The following BTBD9 variants were observed in gnomAD, a reference collection of about 807,000 sequenced individuals.
The protein encoded by BTBD9 is BTB/POZ domain-containing protein 9.
A neutral mutation model predicts 64.3 loss-of-function variants in BTBD9; 49 were observed. That is an observed-to-expected ratio of 0.76 (90% confidence interval 0.61 to 0.97). The LOEUF (loss-of-function observed/expected upper bound fraction) is 0.97, where lower values mean the gene tolerates loss of function less well. BTBD9 is among the 50% of genes least tolerant of loss of function. The pLI is 0.00. For synonymous variants in BTBD9, 260 were observed against 274.7 expected (o/e 0.95, Z 0.53); for missense variants, 598 against 762.1 (o/e 0.78, Z 2.53).
rs149214873 is a variant in BTBD9 at position 38,210,590 on chromosome 6, AAGAGTTTTTGTGTAGTAC to A, written c.1563-18011_1563-17994del. Among the ~76,000 whole-genome samples the A allele has an allele frequency of 4.9e-3, 725 of 147,212 alleles. 4 individuals are homozygous for A. The highest frequency in any genetic ancestry group is 0.017 in the African/African-American group (645 of 38,790). On this transcript the variant is annotated intron_variant, in intron 9 of 10. Transcript: ENST00000481247. ...TGTGTGTGTGTGTCTGCATCTGGGC[AAGAGTTTTTGTGTAGTAC>A]AGAAAGAGGAGACGCCTAGTCAATC...
intron 5 of BTBD9, among the ~76,000 whole-genome samples, chr6:38,578,212 A>G (rs992040271): frequency 6.6e-6 from 1 of 152,152 alleles, no homozygotes; most frequent in East Asian, 1.9e-4. Flanking sequence ...GCTCCCTCAC[A>G]GAGGGCAGCT....
At chr6:38,477,130 C>T (rs1298668740) in intron 6 of BTBD9, among the ~76,000 whole-genome samples, 2 of 152,140 alleles carry the variant, frequency 1.3e-5, no homozygotes, top group Non-Finnish European at 2.9e-5. Flanking sequence ...CCTGAAATGG[C>T]ATGAATTCCA....
In BTBD9 at chr6:38,171,555, G is replaced by GGTGTGTGTGT. The variant is rs56046321; in HGVS notation, c.*3420_*3429dup. 8.1e-6 allele frequency: 1 copy of GGTGTGTGTGT among 122,996 alleles called. No homozygotes were observed. Among genetic ancestry groups the GGTGTGTGTGT allele is most frequent in the Non-Finnish European group, 1.6e-5 (1 of 62,728 alleles). 7.6% of individuals were successfully genotyped at this position (122,996 alleles called of 1,614,324 possible). On this transcript the variant is annotated 3_prime_UTR_variant, in exon 11 of 11. Coordinates refer to ENST00000481247, the MANE Select transcript of BTBD9 (RefSeq NM_001099272.2). ...AAAGCACTGAGAAAATGGTAAAACG[G>GGTGTGTGTGT]GTGTGTGTGTGTGTGTGTGTGTGTG...
chr6:38,309,985 C>T (rs1232095622), intron 7 of BTBD9, among the ~76,000 whole-genome samples: 5 of 152,050 alleles, frequency 3.3e-5, no homozygotes, highest in Non-Finnish European at 7.4e-5. Context: ...CCTGCCAGAG[C>T]CTTTGGAGGC....
intron 1 of BTBD9, among the ~76,000 whole-genome samples, chr6:38,614,840 A>T (rs933719614): frequency 1.3e-5 from 2 of 152,216 alleles, no homozygotes; most frequent in East Asian, 3.8e-4. Context: ...ACCTTCCTCC[A>T]AACTGTCCTC....
chr6:38,533,258 T>G lies in BTBD9; in HGVS notation c.1154+44342A>C, dbSNP rs535466288. On this transcript the variant is annotated intron_variant, in intron 6 of 10. Coordinates refer to ENST00000481247, the MANE Select transcript of BTBD9 (RefSeq NM_001099272.2). ...TAATGGAAACCAAAAAGAACAGGAG[T>G]AGCTATACTTATATCAGACAAAATA... Among the ~76,000 whole-genome samples the G allele has an allele frequency of 1.9e-4, 29 of 151,018 alleles. No homozygotes were observed. The East Asian group carries it at 5.5e-3, about 29-fold the overall frequency.
rs79347120 is a variant in BTBD9, at chr6:38,389,162, G to T, written c.1155-44069C>A. 6.9e-3 allele frequency among the ~76,000 whole-genome samples: 1,048 copies of T among 152,192 alleles called. 9 individuals carry two copies. Among genetic ancestry groups the T allele is most frequent in the African/African-American group, 0.023 (975 of 41,530 alleles). On this transcript the variant is annotated intron_variant, in intron 6 of 10. Transcript: ENST00000481247. ...AAACTTATTTTCACCACATTTTAAA[G>T]ACATATATTATATCTATGGCCAAAT...
In BTBD9 at chr6:38,592,816, T is replaced by C; in HGVS notation, c.574A>G (p.Arg192Gly). The C allele has an allele frequency of 1.2e-6, 2 of 1,614,160 alleles. No individual in the cohort carries two copies. Among genetic ancestry groups the C allele is most frequent in the African/African-American group, 1.3e-5 (1 of 75,066 alleles). ...SKTALLNIVL[R>G]DSFAAPEKDI... The stretch of plus-strand genomic sequence containing the variant: ...TTTTCGGGAGCTGCAAATGAGTCTC[T>C]TAACACGATGTTTAAAAGTGCTGTC... The change falls in exon 4 of 11, where the codon AGA becomes GGA. Residue 192 changes from arginine (R) to glycine (G), a missense_variant. Transcript: ENST00000481247.
At chr6:38,485,320 C>T (rs1771345311) in intron 6 of BTBD9, among the ~76,000 whole-genome samples, 1 of 152,220 alleles carries the variant, frequency 6.6e-6, no homozygotes, top group Non-Finnish European at 1.5e-5. Context: ...ATGGTGAATA[C>T]TTTCCAGAAG....
At chr6:38,639,393 G>A (rs1778645267) in intron 1 of BTBD9, among the ~76,000 whole-genome samples, 1 of 152,118 alleles carries the variant, frequency 6.6e-6, no homozygotes, top group Admixed American at 6.5e-5. Context: ...GGGGAGATGA[G>A]GGCCCCAGCA....
At chr6:38,385,794 C>CA in intron 6 of BTBD9, among the ~76,000 whole-genome samples, 1 of 129,396 alleles carries the variant, frequency 7.7e-6, no homozygotes, top group Non-Finnish European at 1.6e-5. Context: ...TAATATCATA[C>CA]TTTTTTTTTT....
At chr6:38,501,147 G>A (rs1250646009) in intron 6 of BTBD9, among the ~76,000 whole-genome samples, 1 of 151,924 alleles carries the variant, frequency 6.6e-6, no homozygotes, top group East Asian at 1.9e-4. Context: ...ATTTTTTTAG[G>A]CCAAAATGAG....
chr6:38,240,130 G>A (rs1763944001), intron 9 of BTBD9, among the ~76,000 whole-genome samples: 2 of 152,200 alleles, frequency 1.3e-5, no homozygotes. Context: ...AAGAGAGAAC[G>A]AGTGATTTTC....
intron 6 of BTBD9, among the ~76,000 whole-genome samples, chr6:38,555,585 T>C (rs998092576): frequency 2.0e-5 from 3 of 152,202 alleles, no homozygotes; most frequent in Admixed American, 6.5e-5. Flanking sequence ...TATCTTTTAG[T>C]TTTTCTAGCA....
chr6:38,463,039 G>A (rs906431411), intron 6 of BTBD9, among the ~76,000 whole-genome samples: 4 of 152,156 alleles, frequency 2.6e-5, no homozygotes, highest in Admixed American at 1.3e-4. Context: ...CAAGTGATCT[G>A]CCTGCTGCAG....
chr6:38,255,278 G>A (rs1764536463), intron 9 of BTBD9, among the ~76,000 whole-genome samples: 1 of 152,118 alleles, frequency 6.6e-6, no homozygotes, highest in African/African-American at 2.4e-5. Flanking sequence ...GGGAAATGGG[G>A]AGTGACTGCT....
intron 6 of BTBD9, among the ~76,000 whole-genome samples, chr6:38,529,633 C>T (rs1387320405): frequency 1.3e-5 from 2 of 152,162 alleles, no homozygotes; most frequent in African/African-American, 4.8e-5. Context: ...GGAGCCTCGG[C>T]GGAGGAACAT....
At chr6:38,638,228 T>C (rs1778595766) in intron 1 of BTBD9, among the ~76,000 whole-genome samples, 2 of 152,218 alleles carry the variant, frequency 1.3e-5, no homozygotes, top group Admixed American at 1.3e-4. Context: ...CAGCACTGGT[T>C]ACCTGCTACT....
intron 6 of BTBD9, among the ~76,000 whole-genome samples, chr6:38,364,645 T>G (rs758514814): frequency 2.2e-4 from 33 of 152,182 alleles, no homozygotes; most frequent in Admixed American, 2.0e-4. Context: ...ACCTTAGCTG[T>G]GGAGGGACTT....
Sources: allele counts gnomAD v4.1 joint callset (sites outside exome capture counted in the v4.1 genomes callset), GRCh38; gene constraint gnomAD v4.1.1; transcripts MANE v1.5; gene names NCBI Gene and HGNC (gene_info 2026-07-23, HGNC 2026-07-21).